The following CPQ variants were observed in gnomAD, a reference collection of about 807,000 sequenced individuals.
The protein encoded by CPQ is carboxypeptidase Q.
Under a neutral mutation model 45.7 loss-of-function variants are expected in CPQ, and 37 were observed. The ratio of observed to expected loss-of-function variants is 0.81; its 90% CI spans 0.62 to 1.07. The LOEUF is 1.07. Among genes scored for constraint, CPQ ranks in the 50% least tolerant of loss-of-function variants. The probability of loss-of-function intolerance (pLI) is 0.00; values close to 1 mark genes in which losing one functional copy is unlikely to be tolerated. For synonymous variants in CPQ, 186 were observed against 205.8 expected, an observed-to-expected ratio of 0.90 and a Z score of 0.82; for missense variants, 537 against 572.9, an observed-to-expected ratio of 0.94 and a Z score of 0.64.
In CPQ at chr8:97,040,875, G is replaced by T. The variant is rs1377377706; in HGVS notation, c.1053+11381G>T. ...TTTTGGTACCAGTACCATGCTGTTT[G>T]GGTTACTGTAGCCTTGTAGTATAGT... is the stretch of plus-strand genomic sequence containing the variant. On this transcript the variant is annotated intron_variant, in intron 6 of 7. Transcript: ENST00000220763. Among the ~76,000 whole-genome samples the T allele has an allele frequency of 7.8e-4, 118 of 152,188 alleles. 1 individual carries two copies. The highest frequency in any genetic ancestry group is 2.4e-3 in the African/African-American group (98 of 41,524).
At chr8:97,074,445 G>A (rs2130541879) in intron 7 of CPQ, among the ~76,000 whole-genome samples, 1 of 152,250 alleles carries the variant, frequency 6.6e-6, no homozygotes, top group South Asian at 2.1e-4. Context: ...TGGAAGAGAG[G>A]AGCTTGAGCT....
At chr8:96,900,804 T>A (rs1266997235) in intron 4 of CPQ, among the ~76,000 whole-genome samples, 1 of 152,200 alleles carries the variant, frequency 6.6e-6, no homozygotes, top group Non-Finnish European at 1.5e-5. Flanking sequence ...CACATACTAC[T>A]CATTTAGATA....
chr8:97,071,143 C>T (rs535056022), intron 7 of CPQ, among the ~76,000 whole-genome samples: 31 of 152,178 alleles, frequency 2.0e-4, no homozygotes, highest in East Asian at 3.9e-4. Context: ...TTGTGGTAGA[C>T]GGTGTATTGC....
At chr8:97,055,824 G>C (rs1304947155) in intron 6 of CPQ, among the ~76,000 whole-genome samples, 1 of 152,118 alleles carries the variant, frequency 6.6e-6, no homozygotes, top group Non-Finnish European at 1.5e-5. Context: ...TTTAGGCCGG[G>C]CACAGTGGCT....
intron 1 of CPQ, among the ~76,000 whole-genome samples, chr8:96,717,315 A>G (rs989072982): frequency 1.3e-5 from 2 of 151,712 alleles, no homozygotes; most frequent in African/African-American, 4.8e-5. Flanking sequence ...TGTTTTCCAT[A>G]GTGGTTTTAC....
intron 7 of CPQ, among the ~76,000 whole-genome samples, chr8:97,123,356 A>T (rs533515018): frequency 6.7e-6 from 1 of 149,642 alleles, no homozygotes; most frequent in East Asian, 1.9e-4. Flanking sequence ...ATAAAGATAT[A>T]ATAATGATAT....
chr8:97,094,108 GA>G (rs1811173563), intron 7 of CPQ, among the ~76,000 whole-genome samples: 2 of 152,002 alleles, frequency 1.3e-5, no homozygotes, highest in Admixed American at 6.6e-5. Flanking sequence ...AGTGTTCTGA[GA>G]AGAACAAAAC....
chr8:96,823,492 G>T (rs188194146), intron 2 of CPQ, among the ~76,000 whole-genome samples: 1 of 151,808 alleles, frequency 6.6e-6, no homozygotes, highest in Admixed American at 6.6e-5. Flanking sequence ...CTAAATTTAT[G>T]GTCCTCTCCA....
At chr8:96,911,039 A>G (rs1812653228) in intron 4 of CPQ, among the ~76,000 whole-genome samples, 1 of 152,072 alleles carries the variant, frequency 6.6e-6, no homozygotes, top group Non-Finnish European at 1.5e-5. Flanking sequence ...ATAATTTAAT[A>G]GTTGTAGTTA....
intron 1 of CPQ, among the ~76,000 whole-genome samples, chr8:96,781,959 C>G (rs1298396336): frequency 6.6e-6 from 1 of 152,180 alleles, no homozygotes; most frequent in Non-Finnish European, 1.5e-5. Context: ...CCATGCTGCC[C>G]TGCTTCCTGG....
At chr8:96,682,757 A>C (rs1205018403) in intron 1 of CPQ, among the ~76,000 whole-genome samples, 2 of 152,158 alleles carry the variant, frequency 1.3e-5, no homozygotes, top group African/African-American at 4.8e-5. Flanking sequence ...TATAACTATC[A>C]CTATTCCTGC....
intron 7 of CPQ, among the ~76,000 whole-genome samples, chr8:97,073,509 G>A (rs1241570910): frequency 6.6e-6 from 1 of 152,190 alleles, no homozygotes; most frequent in African/African-American, 2.4e-5. Flanking sequence ...TCCATGGTAA[G>A]CAGACTTCGC....
At chr8:96,712,887 C>G (rs1563476495) in intron 1 of CPQ, among the ~76,000 whole-genome samples, 2 of 151,318 alleles carry the variant, frequency 1.3e-5, no homozygotes, top group Non-Finnish European at 2.9e-5. Context: ...ATTTTTTTTT[C>G]TATTGCATCA....
intron 4 of CPQ, among the ~76,000 whole-genome samples, chr8:96,883,045 G>A (rs1193199279): frequency 1.3e-5 from 2 of 152,080 alleles, no homozygotes; most frequent in Admixed American, 6.6e-5. Context: ...GTCATTTTCT[G>A]TGAGGCTTAT....
chr8:96,825,554 A>G (rs921513470), intron 2 of CPQ, among the ~76,000 whole-genome samples: 2 of 152,072 alleles, frequency 1.3e-5, no homozygotes, highest in South Asian at 2.1e-4. Flanking sequence ...AACAGAATTA[A>G]CATCAATAAT....
intron 1 of CPQ, among the ~76,000 whole-genome samples, chr8:96,726,999 A>G (rs941690882): frequency 6.6e-6 from 1 of 152,178 alleles, no homozygotes; most frequent in Non-Finnish European, 1.5e-5. Flanking sequence ...GGACTAGTAC[A>G]TAGTTTATTC....
intron 5 of CPQ, among the ~76,000 whole-genome samples, chr8:96,999,296 C>A (rs1201737395): frequency 6.6e-6 from 1 of 150,876 alleles, no homozygotes; most frequent in Non-Finnish European, 1.5e-5. Flanking sequence ...CCTAAGTAAA[C>A]CTCTGTCATG....
rs567108661 is a variant in CPQ, at chr8:97,028,209, A to G, written c.962-1194A>G. On this transcript the variant is annotated intron_variant, in intron 5 of 7. Coordinates refer to ENST00000220763, the MANE Select transcript of CPQ (RefSeq NM_016134.4). Reference sequence around the variant, plus strand: ...TGACTTCACAACTATATTCAATTTCATGAAAAACTGTAGCTCCTCCTTTTC... The same window carrying G: ...TGACTTCACAACTATATTCAATTTCGTGAAAAACTGTAGCTCCTCCTTTTC... Among the ~76,000 whole-genome samples, 5 of 152,378 alleles carry G rather than the reference A, an allele frequency of 3.3e-5. No individual in the cohort carries two copies. The South Asian group carries it at 8.3e-4, about 25-fold the overall frequency.
chr8:96,907,929 A>G (rs4584121), intron 4 of CPQ, among the ~76,000 whole-genome samples: 44,270 of 151,984 alleles, frequency 0.29, 7,183 homozygotes, highest in African/African-American at 0.44. Context: ...TGAATCTCAA[A>G]TGTGACTTTT....
Sources: allele counts gnomAD v4.1 joint callset (sites outside exome capture counted in the v4.1 genomes callset), GRCh38; gene constraint gnomAD v4.1.1; transcripts MANE v1.5; gene names NCBI Gene and HGNC (gene_info 2026-07-23, HGNC 2026-07-21).